Variants in ADGRL1 observed in about 807,000 individuals in gnomAD.
The protein encoded by ADGRL1 is CIRL-1.
A neutral mutation model predicts 148.9 loss-of-function variants in ADGRL1; 31 were observed. That is an observed-to-expected ratio of 0.21 (90% CI 0.16 to 0.28). The LOEUF (loss-of-function observed/expected upper bound fraction) is 0.28, where lower values mean the gene tolerates loss of function less well. Ranked by LOEUF, ADGRL1 falls within the 10% of genes least tolerant of loss-of-function variation. The pLI, the probability that ADGRL1 is intolerant of heterozygous loss-of-function variation, is 1.00. For missense variants in ADGRL1, 1,521 were observed against 2,058.8 expected, an observed-to-expected ratio of 0.74 and a Z score of 5.05; for synonymous variants, 937 against 900.3, an observed-to-expected ratio of 1.04 and a Z score of -0.73.
intron 1 of ADGRL1, among the ~76,000 whole-genome samples, chr19:14,204,724 G>C (rs1972856951): frequency 6.8e-6 from 1 of 147,162 alleles, no homozygotes; most frequent in Non-Finnish European, 1.5e-5. Flanking sequence ...GAGAGAGAGA[G>C]AGAGAGAGAG....
rs1967886128 is a variant in ADGRL1 at position 14,149,098 on chromosome 19, G to A, written c.*1775C>T. On this transcript the variant is annotated 3_prime_UTR_variant, in exon 23 of 23. Coordinates refer to ENST00000361434, the MANE Select transcript of ADGRL1 (RefSeq NM_014921.5). ...AACGGCAATGCAGGGGCTGGGCTAG[G>A]GTGGCCTGGGGCTATGCTGCCCCTA... The A allele has an allele frequency of 6.6e-6, 1 of 152,590 alleles. No homozygotes were observed. Among genetic ancestry groups the A allele is most frequent in the Admixed American group, 6.5e-5 (1 of 15,274 alleles). The allele number at this position is 152,590 out of a possible 1,614,324, so 9.5% of individuals were successfully genotyped here. A position where few individuals can be genotyped will look rare whatever the true frequency, so the allele number is the denominator to read the frequency against.
intron 18 of ADGRL1, among the ~76,000 whole-genome samples, chr19:14,153,199 A>T (rs979941552): frequency 3.9e-5 from 6 of 152,174 alleles, no homozygotes; most frequent in African/African-American, 1.2e-4. Flanking sequence ...ATTATTGAGC[A>T]TCCGCTATGT....
chr19:14,205,158 C>T (rs1345818077), intron 1 of ADGRL1, among the ~76,000 whole-genome samples: 1 of 152,026 alleles, frequency 6.6e-6, no homozygotes, highest in Non-Finnish European at 1.5e-5. Context: ...CATCCCCCCA[C>T]CCCACCACTT....
chr19:14,163,490 G>GAGAGAGAGAA (rs1555785211), intron 4 of ADGRL1, 84 bp from the exon 5 acceptor site: 1 of 1,048,652 alleles, frequency 9.5e-7, no homozygotes, highest in African/African-American at 1.6e-5. Context: ...GAGAGAGAGA[G>GAGAGAGAGAA]AGAGAGAGGG....
intron 2 of ADGRL1, among the ~76,000 whole-genome samples, chr19:14,183,193 C>CAGAG (rs3837937): frequency 0.035 from 5,047 of 145,342 alleles, 143 homozygotes; most frequent in African/African-American, 0.063. Context: ...GATGTAATCA[C>CAGAG]AGAGAGAGAG....
At chr19:14,170,370 G>T in intron 4 of ADGRL1, 1 of 234,976 alleles carries the variant, frequency 4.3e-6, no homozygotes, top group Non-Finnish European at 8.4e-6. Context: ...GGCAGAGCAC[G>T]GGACCATGGC....
At chr19:14,186,486 G>A (rs10424699) in intron 1 of ADGRL1, among the ~76,000 whole-genome samples, 40,977 of 149,562 alleles carry the variant, frequency 0.27, 6,749 homozygotes, top group African/African-American at 0.47. Context: ...TCCCCCTCAC[G>A]GAAGCCATCA....
intron 12 of ADGRL1, 33 bp downstream of exon 12, chr19:14,158,305 C>A (rs1418950567): frequency 6.2e-7 from 1 of 1,600,666 alleles, no homozygotes; most frequent in Admixed American, 1.7e-5. Flanking sequence ...GGTACAGGGA[C>A]CCCCATGGAG....
rs764124754 is a variant in ADGRL1 at position 14,158,325 on chromosome 19, C to T, written c.2364+13G>A. 73 of 1,612,092 alleles carry T rather than the reference C, an allele frequency of 4.5e-5. No individual in the cohort carries two copies. The Middle Eastern group carries it at 5.1e-4, about 11-fold the overall frequency. ...AGGGACCCCCATGGAGGGAGGGGGA[C>T]GGCTCAGCTCACCTCCAGGTGGGCC... On this transcript the variant is annotated intron_variant, in intron 12 of 22. Coordinates refer to ENST00000361434, the MANE Select transcript of ADGRL1 (RefSeq NM_014921.5).
In ADGRL1 at chr19:14,162,849, C is replaced by T; in HGVS notation, c.952G>A (p.Gly318Arg). ...ACGGAACGCAGGACGTACAGGACCC[C>T]ACACACCATGAAGGCGTTGGATGCC... Reference protein sequence around the residue: ...RSASNAFMVCGVLYVLRSVYV... With the variant: ...RSASNAFMVCRVLYVLRSVYV... Residue 318 changes from glycine (G) to arginine (R), a missense_variant, in exon 5 of 23, where the codon GGG becomes AGG. Around this residue, in one of 8 missense-constraint regions of ADGRL1, gnomAD observed 334 missense variants for 512.5 expected, o/e 0.65. Transcript: ENST00000361434. This position sits in a 1 kb window ranked among gnomAD's most constrained non-coding sequence, Gnocchi z 5.4. The T allele has an allele frequency of 6.2e-7, 1 of 1,614,062 alleles. No homozygotes were observed. Among genetic ancestry groups the T allele is most frequent in the Non-Finnish European group, 8.5e-7 (1 of 1,180,016 alleles).
rs970431786 is a variant in ADGRL1, at chr19:14,148,788, A to G, written c.*2085T>C. ...GTTCCCTTACACGGGACAAACCACC[A>G]TCTTTGGTCTGACCCCTTCTCCCCT... On this transcript the variant is annotated 3_prime_UTR_variant, in exon 23 of 23. Transcript: ENST00000361434. 2 of 152,364 alleles carry G rather than the reference A, an allele frequency of 1.3e-5. No individual in the cohort carries two copies. Among genetic ancestry groups the G allele is most frequent in the South Asian group, 4.2e-4 (2 of 4,814 alleles). The allele number at this position is 152,364 out of a possible 1,614,324, so 9.4% of individuals were successfully genotyped here.
chr19:14,188,382 C>T (rs62122137), intron 1 of ADGRL1, among the ~76,000 whole-genome samples: 1,593 of 152,276 alleles, frequency 0.01, 11 homozygotes, highest in Middle Eastern at 0.017. Context: ...ACGGAAGAGG[C>T]AGTCCCTCTC....
intron 3 of ADGRL1, among the ~76,000 whole-genome samples, chr19:14,175,748 TCACACTCAAATACA>T (rs1282519739): frequency 6.6e-6 from 1 of 151,922 alleles, no homozygotes; most frequent in Non-Finnish European, 1.5e-5. Context: ...GCACACATAC[TCACACTCAAATACA>T]CACACAGGCC....
Position 14,160,226 on chromosome 19 carries a change from C to A in ADGRL1, c.1686G>T (p.Ala562=), listed in dbSNP as rs565099678. ...LARHTRGSIY[A]GDVSSSVKLM... ...GCTTCACAGAGGAGGAGACGTCCCC[C>A]GCGTAGATGGAGCCCCGGGTGTGTC... Residue 562 remains alanine (A), a synonymous_variant, in exon 8 of 23, where the codon GCG becomes GCT. Transcript: ENST00000361434. This position sits in a 1 kb window ranked among gnomAD's most constrained non-coding sequence, Gnocchi z 5.9. 6.2e-6 allele frequency: 10 copies of A among 1,601,274 alleles called. No homozygotes were observed. The highest frequency in any genetic ancestry group is 2.7e-5 in the African/African-American group (2 of 74,818).
At chr19:14,169,113 A>C (rs888707199) in intron 4 of ADGRL1, 6 of 152,256 alleles carry the variant, frequency 3.9e-5, no homozygotes, top group Non-Finnish European at 8.8e-5. Flanking sequence ...GGGCATTGGT[A>C]ATATTACTGA....
At chr19:14,199,395 A>G (rs1263551413) in intron 1 of ADGRL1, among the ~76,000 whole-genome samples, 6 of 151,716 alleles carry the variant, frequency 4.0e-5, no homozygotes, top group South Asian at 2.1e-4. Flanking sequence ...AAAAGTGGCT[A>G]TGAGTGTGTG....
chr19:14,201,367 AT>A (rs1171380586), intron 1 of ADGRL1, among the ~76,000 whole-genome samples: 1 of 144,208 alleles, frequency 6.9e-6, no homozygotes, highest in Non-Finnish European at 1.5e-5. Context: ...TATTTATTGA[AT>A]TTTTATCTCC....
Position 14,204,272 on chromosome 19 carries a change from G to A in ADGRL1, c.-96+1713C>T, listed in dbSNP as rs147166110. Among the ~76,000 whole-genome samples the A allele has an allele frequency of 4.8e-3, 729 of 152,220 alleles. 6 individuals carry two copies. The highest frequency in any genetic ancestry group is 0.017 in the African/African-American group (692 of 41,516). On this transcript the variant is annotated intron_variant, in intron 1 of 22. Coordinates refer to ENST00000361434, the MANE Select transcript of ADGRL1 (RefSeq NM_014921.5). Reference sequence around the variant, plus strand: ...AATAAATTTGGCATTAGTGGGAGGGGAGCAGGGAGGAAGGAGAAGTCACCT... The same window carrying A: ...AATAAATTTGGCATTAGTGGGAGGGAAGCAGGGAGGAAGGAGAAGTCACCT...
chr19:14,166,572 GAGAGAGAGAA>G (rs1240690420), intron 4 of ADGRL1, among the ~76,000 whole-genome samples: 4 of 149,606 alleles, frequency 2.7e-5, no homozygotes, highest in African/African-American at 4.9e-5. Flanking sequence ...CAGAGAGAGA[GAGAGAGAGAA>G]AGAGAGAGAG....
Sources: allele counts gnomAD v4.1 joint callset (sites outside exome capture counted in the v4.1 genomes callset), GRCh38; gene constraint gnomAD v4.1.1; regional missense constraint gnomAD v4.1.1; non-coding constraint Gnocchi (gnomAD v3.1); transcripts MANE v1.5; gene names NCBI Gene and HGNC (gene_info 2026-07-23, HGNC 2026-07-21).